The following SGCD variants were observed in gnomAD, a reference collection of about 807,000 sequenced individuals.
The protein encoded by SGCD is delta-sarcoglycan.
SGCD carries 18 observed loss-of-function variants against 36.6 expected under a neutral mutation model. The ratio of observed to expected loss-of-function variants is 0.49; its 90% confidence interval spans 0.34 to 0.73. The LOEUF is 0.73. Ranked by LOEUF, SGCD falls within the 30% of genes least tolerant of loss-of-function variation. The probability of loss-of-function intolerance (pLI) is 0.01; values close to 1 mark genes in which losing one functional copy is unlikely to be tolerated. For missense variants in SGCD, 387 were observed against 346.7 expected (o/e 1.12, Z -0.92); for synonymous variants, 133 against 130.6 (o/e 1.02, Z -0.12).
intron 1 of SGCD, among the ~76,000 whole-genome samples, chr5:156,000,473 C>A (rs1370981463): frequency 2.0e-5 from 3 of 152,236 alleles, no homozygotes; most frequent in African/African-American, 7.2e-5. Context: ...TTTCCCTGTT[C>A]TAAAGGAGTG....
chr5:156,579,141 C>CT (rs1403149149), intron 4 of SGCD, among the ~76,000 whole-genome samples: 1 of 152,164 alleles, frequency 6.6e-6, no homozygotes, highest in Non-Finnish European at 1.5e-5. Flanking sequence ...CAAAGAACAT[C>CT]CTTATTTCTG....
At chr5:156,295,283 T>G (rs192672165) in intron 3 of SGCD, among the ~76,000 whole-genome samples, 1 of 152,268 alleles carries the variant, frequency 6.6e-6, no homozygotes, top group Admixed American at 6.5e-5. Flanking sequence ...CATATTCTCT[T>G]TTTTATTTCT....
intron 4 of SGCD, among the ~76,000 whole-genome samples, chr5:156,582,830 C>T (rs1477874128): frequency 6.6e-6 from 1 of 152,244 alleles, no homozygotes; most frequent in Non-Finnish European, 1.5e-5. Context: ...CGCACACACA[C>T]ACACACACAC....
At chr5:155,906,433 G>A (rs1756513658) in intron 1 of SGCD, among the ~76,000 whole-genome samples, 1 of 152,160 alleles carries the variant, frequency 6.6e-6, no homozygotes, top group Non-Finnish European at 1.5e-5. Flanking sequence ...GGCCAAGAAA[G>A]GCTGAAAGCT....
chr5:156,079,692 C>T (rs966775509), intron 1 of SGCD, among the ~76,000 whole-genome samples: 1 of 152,224 alleles, frequency 6.6e-6, no homozygotes, highest in Non-Finnish European at 1.5e-5. Context: ...GACTCCATGT[C>T]CCCCATCCAG....
the SGCD span, among the ~76,000 whole-genome samples, chr5:155,755,013 G>T: frequency 1.3e-5 from 2 of 152,100 alleles, no homozygotes; most frequent in African/African-American, 4.8e-5. Context: ...GCCCTCCCCA[G>T]GCTGCCACCT....
At chr5:156,676,726 A>G (rs1317081364) in intron 7 of SGCD, among the ~76,000 whole-genome samples, 1 of 152,198 alleles carries the variant, frequency 6.6e-6, no homozygotes, top group Admixed American at 6.5e-5. Flanking sequence ...AGGCTTTGAG[A>G]TGACATCTGA....
intron 4 of SGCD, among the ~76,000 whole-genome samples, chr5:156,554,459 A>G (rs1758928530): frequency 1.3e-5 from 2 of 151,340 alleles, no homozygotes; most frequent in African/African-American, 4.9e-5. Flanking sequence ...TTCATGTGTT[A>G]CTATGCCTAA....
intron 3 of SGCD, among the ~76,000 whole-genome samples, chr5:156,303,425 C>T (rs757839781): frequency 6.6e-6 from 1 of 152,038 alleles, no homozygotes; most frequent in Non-Finnish European, 1.5e-5. Flanking sequence ...TCAGGAGCCA[C>T]AGCTTAGAAT....
intron 3 of SGCD, among the ~76,000 whole-genome samples, chr5:156,213,578 A>C (rs2127642142): frequency 6.6e-6 from 1 of 152,188 alleles, no homozygotes; most frequent in South Asian, 2.1e-4. Flanking sequence ...TACCTCTTTC[A>C]AAAAAGCTGA....
In SGCD at chr5:156,490,001, T is replaced by A. The variant is rs868614063; in HGVS notation, c.193-18600T>A. 3.4e-5 allele frequency among the ~76,000 whole-genome samples: 5 copies of A among 147,004 alleles called. 1 individual carries two copies. The highest frequency in any genetic ancestry group is 7.4e-5 in the Non-Finnish European group (5 of 67,832). ...CAACCAAGAAGAAAAGAGAGAGGAC[T>A]CAAATAATTAAAATTAGAAACAAAG... is the stretch of plus-strand genomic sequence containing the variant. On this transcript the variant is annotated intron_variant, in intron 3 of 8. Transcript: ENST00000337851.
At chr5:156,047,230 G>T (rs191248629) in intron 1 of SGCD, among the ~76,000 whole-genome samples, 18 of 152,288 alleles carry the variant, frequency 1.2e-4, no homozygotes, top group African/African-American at 3.8e-4. Context: ...ACATAAGAGT[G>T]CAGAGTGAAG....
chr5:156,129,423 A>T (rs1191405520), intron 3 of SGCD, among the ~76,000 whole-genome samples: 1 of 152,214 alleles, frequency 6.6e-6, no homozygotes, highest in African/African-American at 2.4e-5. Context: ...TCTGACTCCA[A>T]GGCCTGGCTT....
chr5:155,939,886 T>A (rs974614771), intron 1 of SGCD, among the ~76,000 whole-genome samples: 1 of 149,102 alleles, frequency 6.7e-6, no homozygotes, highest in East Asian at 2.0e-4. Flanking sequence ...CAGGCTGGAG[T>A]GCAATGGTAA....
At chr5:156,635,351 G>T (rs1231179927) in intron 6 of SGCD, among the ~76,000 whole-genome samples, 2 of 152,220 alleles carry the variant, frequency 1.3e-5, no homozygotes, top group Non-Finnish European at 2.9e-5. Flanking sequence ...TCTGTCACCA[G>T]TTAGAATGGC....
intron 3 of SGCD, among the ~76,000 whole-genome samples, chr5:156,457,136 T>C (rs1282771900): frequency 6.6e-6 from 1 of 152,200 alleles, no homozygotes; most frequent in Non-Finnish European, 1.5e-5. Context: ...TCTTTGTTTA[T>C]TGTACTCCAT....
chr5:156,497,380 G>T (rs1756243473), intron 3 of SGCD, among the ~76,000 whole-genome samples: 1 of 152,094 alleles, frequency 6.6e-6, no homozygotes, highest in Non-Finnish European at 1.5e-5. Context: ...CCCATTGTTT[G>T]ATTTACTCAC....
the SGCD span, among the ~76,000 whole-genome samples, chr5:155,744,236 C>T: frequency 2.6e-5 from 4 of 152,032 alleles, no homozygotes; most frequent in Non-Finnish European, 5.9e-5. Flanking sequence ...CCGAGGTGGG[C>T]AGATCACGAG....
At chr5:156,437,463 G>C (rs1753292554) in intron 3 of SGCD, among the ~76,000 whole-genome samples, 1 of 152,100 alleles carries the variant, frequency 6.6e-6, no homozygotes, top group South Asian at 2.1e-4. Context: ...ATCACGCCCT[G>C]AGCTATTTGG....
Sources: allele counts gnomAD v4.1 joint callset (sites outside exome capture counted in the v4.1 genomes callset), GRCh38; gene constraint gnomAD v4.1.1; transcripts MANE v1.5; gene names NCBI Gene and HGNC (gene_info 2026-07-23, HGNC 2026-07-21).